The following PLEKHA5 variants were observed in gnomAD, a reference collection of about 807,000 sequenced individuals.
PLEKHA5 encodes pleckstrin homology domain containing A5.
Under a neutral mutation model 181.9 loss-of-function variants are expected in PLEKHA5, and 55 were observed. The ratio of observed to expected loss-of-function variants is 0.30; its 90% CI spans 0.24 to 0.38. The LOEUF (loss-of-function observed/expected upper bound fraction) is 0.38. Among genes scored for constraint, PLEKHA5 ranks in the 10% least tolerant of loss-of-function variants. The pLI is 1.00. For synonymous variants in PLEKHA5, 535 were observed against 529.4 expected (o/e 1.01, Z -0.15); for missense variants, 1,432 against 1,549.5 (o/e 0.92, Z 1.27).
intron 5 of PLEKHA5, among the ~76,000 whole-genome samples, chr12:19,255,937 C>G (rs1266387750): frequency 1.4e-5 from 2 of 139,718 alleles, no homozygotes; most frequent in African/African-American, 5.2e-5. Context: ...CTAAATATGA[C>G]ATAAAACTCA....
At chr12:19,317,915 C>T (rs977283167) in intron 16 of PLEKHA5, among the ~76,000 whole-genome samples, 3 of 140,586 alleles carry the variant, frequency 2.1e-5, no homozygotes, top group African/African-American at 8.0e-5. Flanking sequence ...AGTATTCAAA[C>T]CAAACCTTTT....
At chr12:19,272,788 TA>T (rs1456208116) in intron 10 of PLEKHA5, among the ~76,000 whole-genome samples, 2 of 152,194 alleles carry the variant, frequency 1.3e-5, no homozygotes, top group Non-Finnish European at 2.9e-5. Flanking sequence ...TAGCTTTAGA[TA>T]GACTACAGTA....
At chr12:19,306,583 G>T in intron 15 of PLEKHA5, 1 of 810,074 alleles carries the variant, frequency 1.2e-6, no homozygotes, top group Non-Finnish European at 2.2e-6. Context: ...CTGCGGATCC[G>T]GGCCCTAGCG....
In PLEKHA5 at chr12:19,134,963, A is replaced by G. The variant is rs11044431; in HGVS notation, c.227+2513A>G. ...GATGAAGAAAGGTGGTTATTGATCAAATTGTATGTAAAGGAGGTTACAGGG... is the reference window on the plus strand; with the variant it reads ...GATGAAGAAAGGTGGTTATTGATCAGATTGTATGTAAAGGAGGTTACAGGG... On this transcript the variant is annotated intron_variant, in intron 3 of 31. Transcript: ENST00000429027. Among the ~76,000 whole-genome samples, 1,014 of 152,208 alleles carry G rather than the reference A, an allele frequency of 6.7e-3. 35 individuals are homozygous for G. The East Asian group carries it at 0.11, about 17-fold the overall frequency.
chr12:19,228,526 G>T (rs4485162), intron 3 of PLEKHA5, among the ~76,000 whole-genome samples: 132,549 of 152,140 alleles, frequency 0.87, 59,005 homozygotes, highest in Non-Finnish European at 0.97. Flanking sequence ...TGTAAGTCTT[G>T]TAATGTTTTC....
At chr12:19,338,894 A>AT (rs1565635470) in intron 21 of PLEKHA5, among the ~76,000 whole-genome samples, 1 of 151,704 alleles carries the variant, frequency 6.6e-6, no homozygotes, top group African/African-American at 2.4e-5. Context: ...AAAAAAAAAA[A>AT]AAATAAGAAA....
chr12:19,318,472 A>C (rs1339523643), intron 16 of PLEKHA5, among the ~76,000 whole-genome samples: 19 of 152,170 alleles, frequency 1.2e-4, no homozygotes, highest in Admixed American at 1.2e-3. Flanking sequence ...GATTTACTAT[A>C]AATTAGTAAG....
At chr12:19,222,863 G>A (rs1454462775) in intron 3 of PLEKHA5, among the ~76,000 whole-genome samples, 1 of 151,986 alleles carries the variant, frequency 6.6e-6, no homozygotes, top group Non-Finnish European at 1.5e-5. Context: ...CACTTCGGGG[G>A]GTAGCTGCCA....
intron 3 of PLEKHA5, among the ~76,000 whole-genome samples, chr12:19,247,676 A>G (rs1441079560): frequency 6.6e-6 from 1 of 151,998 alleles, no homozygotes; most frequent in Non-Finnish European, 1.5e-5. Context: ...AAACTCTGGT[A>G]ATAAATAGGA....
intron 11 of PLEKHA5, among the ~76,000 whole-genome samples, chr12:19,278,264 G>T (rs1035544525): frequency 1.3e-5 from 2 of 152,144 alleles, no homozygotes; most frequent in Non-Finnish European, 2.9e-5. Flanking sequence ...ATGATCATAT[G>T]ATAGTTGACA....
chr12:19,315,470 ATTG>A (rs1160330462), intron 16 of PLEKHA5, among the ~76,000 whole-genome samples: 1 of 152,046 alleles, frequency 6.6e-6, no homozygotes, highest in African/African-American at 2.4e-5. Flanking sequence ...AAGTTACCCT[ATTG>A]TTTTTCCTTA....
intron 3 of PLEKHA5, among the ~76,000 whole-genome samples, chr12:19,245,364 T>G (rs1174015860): frequency 6.6e-6 from 1 of 152,142 alleles, no homozygotes; most frequent in Non-Finnish European, 1.5e-5. Flanking sequence ...AAGTTGTGAA[T>G]TTTGACTGGA....
chr12:19,141,516 C>G (rs1457750646), intron 3 of PLEKHA5, among the ~76,000 whole-genome samples: 1 of 152,098 alleles, frequency 6.6e-6, no homozygotes, highest in Non-Finnish European at 1.5e-5. Context: ...GTGCAAAATG[C>G]CTAAAGGCCA....
intron 3 of PLEKHA5, chr12:19,200,321 C>G (rs563655963): frequency 6.5e-6 from 10 of 1,527,326 alleles, no homozygotes; most frequent in Admixed American, 2.0e-5. Flanking sequence ...CTTTATCCTT[C>G]CAGCTGAATA....
At chr12:19,307,140 T>G in intron 15 of PLEKHA5, 1 of 829,926 alleles carries the variant, frequency 1.2e-6, no homozygotes, top group East Asian at 2.6e-5. Flanking sequence ...CTGCTGGTCT[T>G]GTTTCACCAA....
chr12:19,145,756 TTTTTATAAAACAGTTG>T (rs1194411785), intron 3 of PLEKHA5, among the ~76,000 whole-genome samples: 5 of 152,054 alleles, frequency 3.3e-5, no homozygotes, highest in Non-Finnish European at 4.4e-5. Context: ...CATGCAAATA[TTTTTATAAAACAGTTG>T]TTTTATAAAA....
At chr12:19,179,624 G>T (rs535371905) in intron 3 of PLEKHA5, among the ~76,000 whole-genome samples, 22 of 152,218 alleles carry the variant, frequency 1.4e-4, no homozygotes, top group African/African-American at 5.3e-4. Context: ...TGCACCGTTG[G>T]ACTCCAGCCT....
intron 15 of PLEKHA5, chr12:19,306,742 G>T: frequency 8.8e-7 from 1 of 1,137,132 alleles, no homozygotes; most frequent in East Asian, 2.4e-5. Context: ...CTTCCCGCCG[G>T]ATAATTCACC....
intron 20 of PLEKHA5, among the ~76,000 whole-genome samples, chr12:19,329,951 G>A (rs1367172): frequency 0.91 from 137,420 of 151,772 alleles, 63,258 homozygotes; most frequent in Non-Finnish European, 1. Context: ...CTAGCCGAGC[G>A]CAGTGGCGTG....
Sources: gnomAD v4.1 joint callset for allele counts (sites outside exome capture counted in the v4.1 genomes callset) on GRCh38, gnomAD v4.1.1 for gene constraint, MANE v1.5 for transcripts, NCBI Gene and HGNC (gene_info 2026-07-23, HGNC 2026-07-21) for gene names.